The following NHS variants were observed in gnomAD, a reference collection of about 807,000 sequenced individuals.
NHS encodes NHS actin remodeling regulator, also known as actin remodeling regulator NHS.
In NHS, 5 loss-of-function variants were observed where a neutral mutation model predicts 72.5. The ratio of observed to expected loss-of-function variants is 0.07; its 90% CI spans 0.04 to 0.14. The LOEUF (loss-of-function observed/expected upper bound fraction) is 0.14, where lower values mean the gene tolerates loss of function less well. Ranked by LOEUF, NHS falls within the 10% of genes least tolerant of loss-of-function variation. NHS has a pLI of 1.00. For missense variants in NHS, 1,072 were observed against 1,355.7 expected, an observed-to-expected ratio of 0.79 and a Z score of 3.29; for synonymous variants, 464 against 547.7, an observed-to-expected ratio of 0.85 and a Z score of 2.13.
chrX:17,383,485 C>T (rs1168989015), intron 1 of NHS, among the ~76,000 whole-genome samples: 1 of 112,108 alleles, frequency 8.9e-6, no homozygotes, highest in African/African-American at 3.2e-5. Context: ...CACAGTTTTG[C>T]AGGCTGTACA....
At position 17,700,709 on chromosome X, in the gene NHS, G is replaced by T. The variant is rs531206818; in HGVS notation, c.852+8241G>T. Among the ~76,000 whole-genome samples, 28 of 111,404 alleles carry T rather than the reference G, an allele frequency of 2.5e-4. No individual in the cohort carries two copies. The South Asian group carries it at 0.01, about 41-fold the overall frequency. On this transcript the variant is annotated intron_variant, in intron 3 of 8. Coordinates refer to ENST00000676302, the MANE Select transcript of NHS (RefSeq NM_001291867.2). ...AGATACACCTCCAGTAATAGAAAAAGGTTATTTTTTTCAGCATTGCTAACA... is the reference window on the plus strand; with the variant it reads ...AGATACACCTCCAGTAATAGAAAAATGTTATTTTTTTCAGCATTGCTAACA...
Position 17,496,297 on chromosome X carries a change from G to A in NHS, c.565+119975G>A, listed in dbSNP as rs771106084. 3.6e-5 allele frequency among the ~76,000 whole-genome samples: 4 copies of A among 111,031 alleles called. No individual in the cohort carries two copies. In the South Asian group the frequency reaches 1.5e-3, roughly 43 times the overall value. ...CTCCTGGAACTAGGTTTGTGCCATT[G>A]AATTTTCCTCCTCCAAGGACCCCTG... is the stretch of plus-strand genomic sequence containing the variant. On this transcript the variant is annotated intron_variant, in intron 1 of 8. Transcript: ENST00000676302.
chrX:17,376,462 T>C, intron 1 of NHS, 140 bp downstream of exon 1: 1 of 564,672 alleles, frequency 1.8e-6, no homozygotes, highest in Admixed American at 2.8e-5. Flanking sequence ...TTCCCACCCT[T>C]CCCATCCCCT....
intron 1 of NHS, among the ~76,000 whole-genome samples, chrX:17,508,493 G>A (rs951819554): frequency 9.0e-6 from 1 of 111,259 alleles, no homozygotes; most frequent in Non-Finnish European, 1.9e-5. Context: ...TTGTTTTTGA[G>A]ACTGGGTCTC....
chrX:17,516,606 C>T (rs1042327258), intron 1 of NHS, among the ~76,000 whole-genome samples: 2 of 101,526 alleles, frequency 2.0e-5, no homozygotes, highest in African/African-American at 7.6e-5. Context: ...CACACACACA[C>T]GAAGAAAACA....
At chrX:17,386,543 T>A (rs2064409416) in intron 1 of NHS, among the ~76,000 whole-genome samples, 1 of 108,582 alleles carries the variant, frequency 9.2e-6, no homozygotes, top group East Asian at 2.9e-4. Flanking sequence ...GCGCCTGTAA[T>A]CCCGGCTACT....
intron 1 of NHS, among the ~76,000 whole-genome samples, chrX:17,579,275 AG>A (rs2065529843): frequency 1.8e-5 from 2 of 112,157 alleles, no homozygotes; most frequent in African/African-American, 6.5e-5. Context: ...AAACTTGAGT[AG>A]GTTGATGCTC....
intron 1 of NHS, among the ~76,000 whole-genome samples, chrX:17,506,234 G>C (rs947318027): frequency 3.6e-5 from 4 of 111,253 alleles, no homozygotes; most frequent in African/African-American, 1.3e-4. Flanking sequence ...CCCACTTAAA[G>C]TCAGGTGCAC....
chrX:17,570,282 T>G (rs933935929), intron 1 of NHS, among the ~76,000 whole-genome samples: 5 of 112,556 alleles, frequency 4.4e-5, no homozygotes, highest in Non-Finnish European at 7.5e-5. Flanking sequence ...TTTCACAATA[T>G]TGATTCTTCC....
chrX:17,586,363 C>T (rs990753190), intron 1 of NHS: 1 of 111,368 alleles, frequency 9.0e-6, no homozygotes, highest in Non-Finnish European at 1.9e-5. Flanking sequence ...GTACTTAGAT[C>T]CAAAGAAAAC....
chrX:17,613,465 C>T (rs777074223), intron 1 of NHS, among the ~76,000 whole-genome samples: 3 of 111,797 alleles, frequency 2.7e-5, no homozygotes, highest in African/African-American at 9.7e-5. Flanking sequence ...TTCCTTGAGA[C>T]CTTCTACTTG....
intron 1 of NHS, among the ~76,000 whole-genome samples, chrX:17,646,523 C>T (rs1447658824): frequency 1.8e-5 from 2 of 111,586 alleles, no homozygotes; most frequent in African/African-American, 6.5e-5. Flanking sequence ...CCTTCCCTCC[C>T]AATTGAGTAC....
At chrX:17,537,145 C>T (rs1255867583) in intron 1 of NHS, among the ~76,000 whole-genome samples, 1 of 112,199 alleles carries the variant, frequency 8.9e-6, no homozygotes, top group East Asian at 2.8e-4. Flanking sequence ...CCATCTGTCC[C>T]ATCTCGGGCA....
intron 1 of NHS, among the ~76,000 whole-genome samples, chrX:17,473,612 T>C (rs1033491937): frequency 1.5e-4 from 17 of 112,518 alleles, no homozygotes; most frequent in Non-Finnish European, 2.6e-4. Context: ...TCATGAAATC[T>C]AAATATAGAT....
At chrX:17,543,499 A>G (rs979385922) in intron 1 of NHS, among the ~76,000 whole-genome samples, 9 of 112,210 alleles carry the variant, frequency 8.0e-5, no homozygotes, top group Non-Finnish European at 1.3e-4. Context: ...CCAGTCACAG[A>G]TAAGTATGGG....
At chrX:17,701,072 G>A (rs1377047554) in intron 3 of NHS, among the ~76,000 whole-genome samples, 1 of 111,877 alleles carries the variant, frequency 8.9e-6, no homozygotes, top group African/African-American at 3.3e-5. Flanking sequence ...ATTACCTACT[G>A]TATTCAGTAC....
At chrX:17,415,790 C>T (rs2064590937) in intron 1 of NHS, among the ~76,000 whole-genome samples, 1 of 111,667 alleles carries the variant, frequency 9.0e-6, no homozygotes, top group African/African-American at 3.3e-5. Flanking sequence ...TTGTAATAAT[C>T]GATGTTTCTG....
chrX:17,636,862 CATT>C (rs2065851293), intron 1 of NHS, among the ~76,000 whole-genome samples: 1 of 112,073 alleles, frequency 8.9e-6, no homozygotes, highest in Admixed American at 9.5e-5. Context: ...TTGTTCAGGA[CATT>C]GTGGTTTCTG....
At chrX:17,418,004 A>C (rs1004985377) in intron 1 of NHS, among the ~76,000 whole-genome samples, 8 of 112,138 alleles carry the variant, frequency 7.1e-5, no homozygotes, top group African/African-American at 2.3e-4. Context: ...ACCCAAGAGC[A>C]TGTTCATGAA....
Sources: allele counts gnomAD v4.1 joint callset (sites outside exome capture counted in the v4.1 genomes callset), GRCh38; gene constraint gnomAD v4.1.1; transcripts MANE v1.5; gene names NCBI Gene and HGNC (gene_info 2026-07-23, HGNC 2026-07-21).